Variants in SMYD3 observed in about 807,000 individuals in gnomAD.
SMYD3 encodes histone-lysine N-methyltransferase SMYD3.
A neutral mutation model predicts 57.7 loss-of-function variants in SMYD3; 36 were observed. That is an observed-to-expected ratio of 0.62 (90% confidence interval 0.48 to 0.82). The LOEUF is 0.82. Among genes scored for constraint, SMYD3 ranks in the 40% least tolerant of loss-of-function variants. The pLI is 0.00. For missense variants in SMYD3, 515 were observed against 538.8 expected (o/e 0.96, Z 0.44); for synonymous variants, 211 against 195.0 (o/e 1.08, Z -0.68).
chr1:246,448,702 TTTAAAAAAAAAA>T (rs1314371348), intron 1 of SMYD3, among the ~76,000 whole-genome samples: 1 of 92,928 alleles, frequency 1.1e-5, no homozygotes, highest in South Asian at 3.5e-4. Context: ...ATCTCTTTTT[TTTAAAAAAAAAA>T]AAAAAAAAAA....
intron 5 of SMYD3, among the ~76,000 whole-genome samples, chr1:246,164,891 T>C (rs958314427): frequency 1.3e-5 from 2 of 152,216 alleles, no homozygotes; most frequent in African/African-American, 4.8e-5. Context: ...GCTGGAAGTA[T>C]ACAAAGGTAA....
intron 5 of SMYD3, among the ~76,000 whole-genome samples, chr1:246,190,158 T>C (rs1003627726): frequency 6.6e-6 from 1 of 152,208 alleles, no homozygotes. Context: ...GTGTCAGACC[T>C]TGGCCATGTT....
In SMYD3 at chr1:245,870,023, G is replaced by A. The variant is rs80341594; in HGVS notation, c.814-6137C>T. On this transcript the variant is annotated intron_variant, in intron 8 of 11. Transcript: ENST00000490107. ...TTGCCTCCCCAGGTATCCTCAGAAC[G>A]CCCTGAGGGACCGTGACCTCATCAT... Among the ~76,000 whole-genome samples the A allele has an allele frequency of 3.9e-5, 6 of 152,214 alleles. No individual in the cohort carries two copies. In the South Asian group the frequency reaches 6.2e-4, roughly 16 times the overall value.
At chr1:246,164,271 A>C (rs367912710) in intron 5 of SMYD3, among the ~76,000 whole-genome samples, 7 of 152,178 alleles carry the variant, frequency 4.6e-5, no homozygotes, top group East Asian at 1.9e-4. Context: ...AAATACAAAA[A>C]AATTAGCTGG....
At chr1:246,393,347 C>G (rs1440933274) in intron 1 of SMYD3, among the ~76,000 whole-genome samples, 1 of 152,046 alleles carries the variant, frequency 6.6e-6, no homozygotes, top group African/African-American at 2.4e-5. Context: ...CCAGAGGCTG[C>G]CTGATCCCGT....
chr1:245,842,707 T>G (rs2050466037), intron 10 of SMYD3, among the ~76,000 whole-genome samples: 1 of 152,170 alleles, frequency 6.6e-6, no homozygotes, highest in African/African-American at 2.4e-5. Context: ...TTATATTAAT[T>G]TTTATTTTAC....
At chr1:246,402,377 A>ATTTTTTTTT (rs1330953803) in intron 1 of SMYD3, among the ~76,000 whole-genome samples, 1 of 151,340 alleles carries the variant, frequency 6.6e-6, no homozygotes. Flanking sequence ...TAACAACGCC[A>ATTTTTTTTT]TCTTAAAGAT....
chr1:246,216,286 CAAA>C (rs761129685), intron 5 of SMYD3, among the ~76,000 whole-genome samples: 3 of 125,660 alleles, frequency 2.4e-5, no homozygotes, highest in South Asian at 2.5e-4. Flanking sequence ...GACTCCATTT[CAAA>C]AAAAAAAAAA....
At chr1:245,848,975 G>GA (rs869237573) in intron 10 of SMYD3, among the ~76,000 whole-genome samples, 1 of 54,374 alleles carries the variant, frequency 1.8e-5, no homozygotes, top group Non-Finnish European at 3.6e-5. Context: ...GACAGATCCT[G>GA]GAATTAGTAT....
At chr1:245,817,322 C>T (rs1195826774) in intron 10 of SMYD3, among the ~76,000 whole-genome samples, 1 of 144,938 alleles carries the variant, frequency 6.9e-6, no homozygotes, top group African/African-American at 2.6e-5. Flanking sequence ...TCCAACAGCC[C>T]TGCAGCTGAG....
chr1:246,241,452 G>T (rs778238055), intron 5 of SMYD3, among the ~76,000 whole-genome samples: 2 of 152,154 alleles, frequency 1.3e-5, no homozygotes, highest in African/African-American at 4.8e-5. Context: ...CAACTTGATC[G>T]TAGTGGATAA....
At chr1:246,266,998 T>A (rs1331476666) in intron 5 of SMYD3, among the ~76,000 whole-genome samples, 1 of 152,224 alleles carries the variant, frequency 6.6e-6, no homozygotes, top group Non-Finnish European at 1.5e-5. Context: ...GCAATTTTAT[T>A]TATGGATAGT....
chr1:246,362,769 T>C (rs2066017360), intron 1 of SMYD3, among the ~76,000 whole-genome samples: 1 of 152,212 alleles, frequency 6.6e-6, no homozygotes, highest in South Asian at 2.1e-4. Flanking sequence ...CAGTGGTCAA[T>C]GGTGCCCAGG....
intron 5 of SMYD3, among the ~76,000 whole-genome samples, chr1:246,213,854 GTTCT>G (rs1558320294): frequency 6.6e-6 from 1 of 152,136 alleles, no homozygotes; most frequent in East Asian, 1.9e-4. Context: ...ATTGAACACA[GTTCT>G]TTCTCTTCCT....
intron 5 of SMYD3, among the ~76,000 whole-genome samples, chr1:245,989,211 C>T (rs78212479): frequency 6.8e-6 from 1 of 146,558 alleles, no homozygotes; most frequent in Non-Finnish European, 1.5e-5. Flanking sequence ...TCCTGTCCCC[C>T]TTTCTCTTCT....
chr1:246,249,432 G>C (rs1461700231), intron 5 of SMYD3, among the ~76,000 whole-genome samples: 2 of 151,970 alleles, frequency 1.3e-5, no homozygotes, highest in Non-Finnish European at 2.9e-5. Context: ...ACAAAACACA[G>C]AAAATACAAC....
chr1:246,074,064 A>AT (rs1197895510), intron 5 of SMYD3, among the ~76,000 whole-genome samples: 1 of 152,136 alleles, frequency 6.6e-6, no homozygotes, highest in African/African-American at 2.4e-5. Flanking sequence ...TTTTTGTGTG[A>AT]TTTTTGTTCT....
intron 8 of SMYD3, 114 bp from the exon 9 acceptor site, chr1:245,864,000 G>A (rs1194231452): frequency 1.0e-5 from 9 of 891,908 alleles, no homozygotes; most frequent in Non-Finnish European, 1.6e-5. Flanking sequence ...AAGATGCTTG[G>A]CATCATTTAT....
At chr1:246,121,961 G>A (rs2061431500) in intron 5 of SMYD3, among the ~76,000 whole-genome samples, 1 of 151,752 alleles carries the variant, frequency 6.6e-6, no homozygotes. Flanking sequence ...TACATCCTCT[G>A]GAGTGGTATT....
Sources: gnomAD v4.1 joint callset for allele counts (sites outside exome capture counted in the v4.1 genomes callset) on GRCh38, gnomAD v4.1.1 for gene constraint, MANE v1.5 for transcripts, NCBI Gene and HGNC (gene_info 2026-07-23, HGNC 2026-07-21) for gene names.